The following AKT3 variants were observed in gnomAD, a reference collection of about 807,000 sequenced individuals.
AKT3 encodes the protein RAC-gamma serine/threonine-protein kinase.
A neutral mutation model predicts 65.3 loss-of-function variants in AKT3; 15 were observed. The observed-to-expected ratio is 0.23, with a 90% CI of 0.15 to 0.35. AKT3 has a LOEUF of 0.35. Among genes scored for constraint, AKT3 ranks in the 10% least tolerant of loss-of-function variants. The probability of loss-of-function intolerance (pLI) is 1.00; values close to 1 mark genes in which losing one functional copy is unlikely to be tolerated. For synonymous variants in AKT3, 206 were observed against 183.8 expected, an observed-to-expected ratio of 1.12 and a Z score of -0.98; for missense variants, 243 against 576.5, an observed-to-expected ratio of 0.42 and a Z score of 5.92.
chr1:243,609,992 T>C (rs144550083), intron 8 of AKT3, among the ~76,000 whole-genome samples: 2 of 152,296 alleles, frequency 1.3e-5, no homozygotes, highest in African/African-American at 4.8e-5. Context: ...TTAGTATTAT[T>C]TTTGTACCCT....
intron 4 of AKT3, among the ~76,000 whole-genome samples, chr1:243,648,096 A>T (rs566246979): frequency 6.6e-6 from 1 of 152,106 alleles, no homozygotes; most frequent in East Asian, 1.9e-4. Flanking sequence ...CGTCTCTACA[A>T]AAAATACAAA....
intron 2 of AKT3, among the ~76,000 whole-genome samples, chr1:243,697,298 CT>C (rs1188087207): frequency 6.6e-6 from 1 of 151,880 alleles, no homozygotes; most frequent in Non-Finnish European, 1.5e-5. Context: ...TAGAAGACAG[CT>C]TAATTTTCTT....
At chr1:243,597,540 G>C (rs1331122720) in intron 8 of AKT3, among the ~76,000 whole-genome samples, 1 of 152,142 alleles carries the variant, frequency 6.6e-6, no homozygotes, top group Non-Finnish European at 1.5e-5. Context: ...GTCTCACTCT[G>C]TTGCCAAGGC....
chr1:243,840,937 A>T (rs1361933409), intron 2 of AKT3, among the ~76,000 whole-genome samples: 1 of 152,004 alleles, frequency 6.6e-6, no homozygotes. Context: ...AAACTGGCAT[A>T]ATGATGAGAC....
chr1:243,530,457 G>T (rs1038383763), intron 12 of AKT3, among the ~76,000 whole-genome samples: 1 of 152,144 alleles, frequency 6.6e-6, no homozygotes, highest in African/African-American at 2.4e-5. Flanking sequence ...TAGAAACCAA[G>T]AAATTCTTTG....
chr1:243,653,204 A>C (rs1477396998), intron 4 of AKT3, among the ~76,000 whole-genome samples: 1 of 152,226 alleles, frequency 6.6e-6, no homozygotes, highest in Non-Finnish European at 1.5e-5. Flanking sequence ...ACCATCAGAG[A>C]ATACTATAAA....
chr1:243,641,886 C>T lies in AKT3; in HGVS notation c.429+4007G>A, dbSNP rs114114645. On this transcript the variant is annotated intron_variant, in intron 5 of 13. Coordinates refer to ENST00000673466, the MANE Select transcript of AKT3 (RefSeq NM_005465.7). Reference sequence around the variant, plus strand: ...GTGAAGTTAAGGCTGCAGTGAGTCACGATTGTGCCACTGCACTCCAGCCTA... The same window carrying T: ...GTGAAGTTAAGGCTGCAGTGAGTCATGATTGTGCCACTGCACTCCAGCCTA... Among the ~76,000 whole-genome samples, 746 of 152,062 alleles carry T rather than the reference C, an allele frequency of 4.9e-3. 9 individuals carry two copies. The highest frequency in any genetic ancestry group is 0.017 in the African/African-American group (704 of 41,462).
chr1:243,823,118 G>T (rs537696650), intron 2 of AKT3, among the ~76,000 whole-genome samples: 1 of 152,146 alleles, frequency 6.6e-6, no homozygotes, highest in African/African-American at 2.4e-5. Flanking sequence ...TGCAATGCTG[G>T]TTCAACATAT....
intron 2 of AKT3, among the ~76,000 whole-genome samples, chr1:243,780,485 G>C (rs1221334549): frequency 6.6e-6 from 1 of 151,250 alleles, no homozygotes; most frequent in East Asian, 1.9e-4. Context: ...TAAGACTAAA[G>C]GAGGCATCAT....
chr1:243,776,133 T>C (rs1690528312), intron 2 of AKT3, among the ~76,000 whole-genome samples: 1 of 152,216 alleles, frequency 6.6e-6, no homozygotes. Context: ...TGTTATCACA[T>C]ACTTTCCATC....
At chr1:243,805,620 A>G (rs1196836008) in intron 2 of AKT3, among the ~76,000 whole-genome samples, 1 of 152,096 alleles carries the variant, frequency 6.6e-6, no homozygotes, top group Non-Finnish European at 1.5e-5. Context: ...GTCAAATCCA[A>G]TGGCCCCTTT....
At chr1:243,637,934 G>A (rs1680094632) in intron 5 of AKT3, among the ~76,000 whole-genome samples, 192 bp from the exon 6 acceptor site, 1 of 152,072 alleles carries the variant, frequency 6.6e-6, no homozygotes, top group Admixed American at 6.6e-5. Context: ...AATTTAAGCA[G>A]TTCTCAGATG....
intron 2 of AKT3, among the ~76,000 whole-genome samples, chr1:243,833,933 G>A (rs1052093379): frequency 5.4e-4 from 81 of 150,806 alleles, no homozygotes; most frequent in African/African-American, 1.8e-3. Flanking sequence ...CCACATATAC[G>A]ATTTTTAAAA....
intron 3 of AKT3, among the ~76,000 whole-genome samples, chr1:243,688,272 G>A (rs1376929540): frequency 6.6e-6 from 1 of 151,752 alleles, no homozygotes; most frequent in African/African-American, 2.4e-5. Flanking sequence ...CCAGAATATA[G>A]CAATGTATGT....
chr1:243,646,912 T>C (rs545341134), intron 4 of AKT3, among the ~76,000 whole-genome samples: 1 of 152,358 alleles, frequency 6.6e-6, no homozygotes, highest in African/African-American at 2.4e-5. Context: ...CATTTATTTT[T>C]TGACATTTGG....
intron 2 of AKT3, among the ~76,000 whole-genome samples, chr1:243,721,588 G>A (rs1209163986): frequency 6.6e-6 from 1 of 152,008 alleles, no homozygotes; most frequent in Admixed American, 6.5e-5. Context: ...TTATGATGGG[G>A]AGGAAAGGGA....
intron 3 of AKT3, among the ~76,000 whole-genome samples, chr1:243,685,695 C>T (rs1684240739): frequency 6.6e-6 from 1 of 151,922 alleles, no homozygotes; most frequent in Admixed American, 6.6e-5. Flanking sequence ...AAAACCAGCA[C>T]AAGACAAGGA....
intron 3 of AKT3, among the ~76,000 whole-genome samples, chr1:243,679,149 T>C (rs931902209): frequency 2.0e-5 from 3 of 152,224 alleles, no homozygotes; most frequent in African/African-American, 7.2e-5. Flanking sequence ...GCTTACATTA[T>C]AAGAATACAG....
intron 2 of AKT3, among the ~76,000 whole-genome samples, chr1:243,836,635 G>A (rs1694908502): frequency 6.6e-6 from 1 of 152,142 alleles, no homozygotes; most frequent in Admixed American, 6.5e-5. Context: ...AGTTGGCTGG[G>A]TGCAGTGGCT....
Sources: allele counts gnomAD v4.1 joint callset (sites outside exome capture counted in the v4.1 genomes callset), GRCh38; gene constraint gnomAD v4.1.1; transcripts MANE v1.5; gene names NCBI Gene and HGNC (gene_info 2026-07-23, HGNC 2026-07-21).